The following RORA variants were observed in gnomAD, a reference collection of about 807,000 sequenced individuals.
RORA encodes nuclear receptor ROR-alpha.
A neutral mutation model predicts 69.5 loss-of-function variants in RORA; 7 were observed. The observed-to-expected ratio is 0.10, with a 90% CI of 0.06 to 0.19. RORA has a LOEUF of 0.19. RORA is among the 10% of genes least tolerant of loss of function. The pLI, the probability that RORA is intolerant of heterozygous loss-of-function variation, is 1.00. For synonymous variants in RORA, 261 were observed against 240.8 expected, an observed-to-expected ratio of 1.08 and a Z score of -0.78; for missense variants, 457 against 663.0, an observed-to-expected ratio of 0.69 and a Z score of 3.41.
chr15:61,082,947 G>A (rs1272748268), intron 1 of RORA, among the ~76,000 whole-genome samples: 2 of 152,122 alleles, frequency 1.3e-5, no homozygotes, highest in South Asian at 2.1e-4. Context: ...TCCCCAAGAT[G>A]ACATACTAAA....
At chr15:60,658,615 T>C (rs1425849254) in intron 2 of RORA, among the ~76,000 whole-genome samples, 1 of 152,092 alleles carries the variant, frequency 6.6e-6, no homozygotes, top group Non-Finnish European at 1.5e-5. Context: ...AATCAGAGGG[T>C]TGCTATTTGT....
At chr15:61,011,901 C>T (rs566508003) in intron 1 of RORA, among the ~76,000 whole-genome samples, 5 of 152,368 alleles carry the variant, frequency 3.3e-5, no homozygotes, top group African/African-American at 1.2e-4. Flanking sequence ...AGAGAGCTTG[C>T]GCTCTGTTTT....
intron 1 of RORA, among the ~76,000 whole-genome samples, chr15:61,175,689 C>G (rs967604386): frequency 1.3e-5 from 2 of 151,980 alleles, no homozygotes; most frequent in Non-Finnish European, 1.5e-5. Flanking sequence ...TGCACTCCAA[C>G]CCGGGACACA....
chr15:60,907,129 TATCATCATCACCACC>T (rs1333369304), intron 1 of RORA, among the ~76,000 whole-genome samples: 1 of 152,048 alleles, frequency 6.6e-6, no homozygotes, highest in East Asian at 1.9e-4. Context: ...CCACCAACAT[TATCATCATCACCACC>T]ATCATCATCA....
At chr15:60,763,727 C>T (rs565017169) in intron 1 of RORA, among the ~76,000 whole-genome samples, 3 of 152,290 alleles carry the variant, frequency 2.0e-5, no homozygotes, top group Non-Finnish European at 4.4e-5. Context: ...CTGACTGGCC[C>T]ATTCAGGAGC....
chr15:60,604,973 A>G (rs1403956221), intron 2 of RORA, among the ~76,000 whole-genome samples: 2 of 152,236 alleles, frequency 1.3e-5, no homozygotes, highest in Non-Finnish European at 2.9e-5. Context: ...TTATAACTGT[A>G]TGAGCAATAT....
At chr15:60,676,162 C>T (rs3909594) in intron 2 of RORA, among the ~76,000 whole-genome samples, 123,038 of 152,140 alleles carry the variant, frequency 0.81, 50,091 homozygotes, top group Admixed American at 0.86. Flanking sequence ...CAAGAAAAAT[C>T]CAACAAATGC....
chr15:60,548,798 T>G (rs1403065079), intron 2 of RORA, among the ~76,000 whole-genome samples: 1 of 152,092 alleles, frequency 6.6e-6, no homozygotes, highest in Non-Finnish European at 1.5e-5. Context: ...CCACCATGCC[T>G]GGCTAATTTT....
At chr15:61,038,032 T>C (rs192550479) in intron 1 of RORA, among the ~76,000 whole-genome samples, 1 of 152,330 alleles carries the variant, frequency 6.6e-6, no homozygotes, top group Non-Finnish European at 1.5e-5. Context: ...TTTGATTAAA[T>C]GTTTGTTGTT....
At chr15:60,967,398 T>C (rs1050134568) in intron 1 of RORA, among the ~76,000 whole-genome samples, 12 of 152,144 alleles carry the variant, frequency 7.9e-5, no homozygotes, top group Admixed American at 5.2e-4. Context: ...CAACAAAATG[T>C]GACAACATCG....
At chr15:60,707,525 G>C (rs2071081620) in intron 1 of RORA, among the ~76,000 whole-genome samples, 2 of 151,812 alleles carry the variant, frequency 1.3e-5, no homozygotes, top group African/African-American at 2.4e-5. Context: ...CACCACGCCT[G>C]GCTAATTTTT....
intron 1 of RORA, among the ~76,000 whole-genome samples, chr15:61,143,637 T>C (rs1229968031): frequency 6.6e-6 from 1 of 152,306 alleles, no homozygotes; most frequent in African/African-American, 2.4e-5. Flanking sequence ...GAAACATTTG[T>C]TATATAATAA....
At chr15:61,049,372 A>G (rs147268578) in intron 1 of RORA, among the ~76,000 whole-genome samples, 87 of 152,320 alleles carry the variant, frequency 5.7e-4, no homozygotes, top group African/African-American at 1.9e-3. Context: ...TGAGGTGCCA[A>G]ATTCTTTCGG....
At chr15:60,954,366 G>A (rs960781818) in intron 1 of RORA, among the ~76,000 whole-genome samples, 12 of 147,678 alleles carry the variant, frequency 8.1e-5, no homozygotes, top group Admixed American at 5.4e-4. Context: ...TGGGTGCAGC[G>A]CACCAGCATG....
rs1020867948 is a variant in RORA at position 61,202,460 on chromosome 15, A to C, written c.166+26593T>G. On this transcript the variant is annotated intron_variant, in intron 1 of 10. Transcript: ENST00000335670. ...GATGCAAAAACTTAGAGTGGAACACAGAGGCTAGAATCAAAGCAAAAAGAA... is the reference window on the plus strand; with the variant it reads ...GATGCAAAAACTTAGAGTGGAACACCGAGGCTAGAATCAAAGCAAAAAGAA... Among the ~76,000 whole-genome samples, 11 of 152,226 alleles carry C rather than the reference A, an allele frequency of 7.2e-5. 1 individual carries two copies. In the South Asian group the frequency reaches 1.9e-3, roughly 26 times the overall value.
chr15:60,982,392 C>T (rs921166695), intron 1 of RORA, among the ~76,000 whole-genome samples: 1 of 152,216 alleles, frequency 6.6e-6, no homozygotes, highest in East Asian at 1.9e-4. Context: ...ATTCCCTAGA[C>T]TTTGCTTCCA....
At chr15:60,842,219 C>T (rs367866136) in intron 1 of RORA, among the ~76,000 whole-genome samples, 3 of 152,214 alleles carry the variant, frequency 2.0e-5, no homozygotes, top group South Asian at 4.2e-4. Flanking sequence ...CAACATTCCT[C>T]CTTTCTCCCC....
intron 1 of RORA, among the ~76,000 whole-genome samples, chr15:61,094,305 G>C (rs755103766): frequency 3.4e-4 from 52 of 152,258 alleles, no homozygotes; most frequent in Middle Eastern, 3.4e-3. Flanking sequence ...CCAGTTTTAG[G>C]AAGGAAGATC....
intron 1 of RORA, among the ~76,000 whole-genome samples, chr15:60,836,079 G>C (rs2073111142): frequency 6.6e-6 from 1 of 152,162 alleles, no homozygotes; most frequent in Non-Finnish European, 1.5e-5. Flanking sequence ...GTTAAGCATT[G>C]GTCACAACAG....
Sources: gnomAD v4.1 joint callset for allele counts (sites outside exome capture counted in the v4.1 genomes callset) on GRCh38, gnomAD v4.1.1 for gene constraint, MANE v1.5 for transcripts, NCBI Gene and HGNC (gene_info 2026-07-23, HGNC 2026-07-21) for gene names.